TCF23: variants seen among roughly 807,000 people sequenced by gnomAD.
TCF23 encodes transcription factor 23.
In TCF23, 7 loss-of-function variants were observed where a neutral mutation model predicts 13.0. That is an observed-to-expected ratio of 0.54 (90% CI 0.31 to 1.01). The LOEUF (loss-of-function observed/expected upper bound fraction) is 1.01, where lower values mean the gene tolerates loss of function less well. Among genes scored for constraint, TCF23 ranks in the 50% least tolerant of loss-of-function variants. The probability of loss-of-function intolerance (pLI) is 0.06; values close to 1 mark genes in which losing one functional copy is unlikely to be tolerated. For missense variants in TCF23, 257 were observed against 289.8 expected, an observed-to-expected ratio of 0.89 and a Z score of 0.82; for synonymous variants, 122 against 119.5, an observed-to-expected ratio of 1.02 and a Z score of -0.14.
Position 27,150,513 on chromosome 2 carries a change from G to A in TCF23, c.465+148G>A, listed in dbSNP as rs2148429448. 7.1e-7 allele frequency: 1 copy of A among 1,405,006 alleles called. No homozygotes were observed. Among genetic ancestry groups the A allele is most frequent in the Non-Finnish European group, 9.7e-7 (1 of 1,036,072 alleles). 87.0% of individuals were successfully genotyped at this position (1,405,006 alleles called of 1,614,324 possible). The stretch of plus-strand genomic sequence containing the variant: ...GCCAATTTCTCCTGCTGTCTCAGAG[G>A]GAGAGGAGCCAAGGCTGACCCTTGG... On this transcript the variant is annotated intron_variant, in intron 2 of 2. Coordinates refer to ENST00000296096, the MANE Select transcript of TCF23 (RefSeq NM_175769.3). This position sits in a 1 kb window ranked among gnomAD's most constrained non-coding sequence, Gnocchi z 4.1.
In TCF23 at chr2:27,152,819, T is replaced by C. The variant is rs771821194; in HGVS notation, c.597T>C (p.Asp199=). ...EVGSQVPGEA[D]ALLSTTPLSP... is the part of the protein sequence containing the mutation. The stretch of plus-strand genomic sequence containing the variant: ...GGTCCCAAGTCCCTGGAGAGGCAGA[T>C]GCTCTCCTTTCCACCACACCACTCT... The change falls in exon 3 of 3, where the codon GAT becomes GAC. Residue 199 remains aspartate, a synonymous_variant. Coordinates refer to ENST00000296096, the MANE Select transcript of TCF23 (RefSeq NM_175769.3). 6.2e-7 allele frequency: 1 copy of C among 1,614,122 alleles called. No individual in the cohort carries two copies.
chr2:27,150,353 G>T lies in TCF23; in HGVS notation c.453G>T (p.Leu151Phe), dbSNP rs1229815008. 3.1e-6 allele frequency: 5 copies of T among 1,612,994 alleles called. No homozygotes were observed. Among genetic ancestry groups the T allele is most frequent in the Non-Finnish European group, 4.2e-6 (5 of 1,179,680 alleles). Reference protein sequence around the residue: ...WPPFLRGLRYLHPLKKWPMRS... With the variant: ...WPPFLRGLRYFHPLKKWPMRS... ...CCTTCCTGCGTGGACTCCGCTACTT[G>T]CACCCTCTCAAGGTAAGTCACAAGC... Residue 151 changes from leucine (L) to phenylalanine (F), a missense_variant, in exon 2 of 3, where the codon TTG (leucine) becomes TTT (phenylalanine). Leu to Phe is a conservative substitution (Grantham distance 22, BLOSUM62 0). Transcript: ENST00000296096. The surrounding 1 kb of genome is among the most constrained non-coding windows in gnomAD (Gnocchi z 4.1).
chr2:27,156,503 G>A lies in TCF23; in HGVS notation c.*3636G>A, dbSNP rs34730887. On this transcript the variant is annotated 3_prime_UTR_variant, in exon 3 of 3. Coordinates refer to ENST00000296096, the MANE Select transcript of TCF23 (RefSeq NM_175769.3). ...CGCGATTCTCCTGCCTCAGCCTCCC[G>A]AGCAGCTGGGACTACAGGCACCCGC... 0.42 allele frequency: 63,035 copies of A among 150,366 alleles called. 14,714 individuals carry two copies. Among genetic ancestry groups the A allele is most frequent in the East Asian group, 0.58 (2,882 of 4,966 alleles). 9.3% of individuals were successfully genotyped at this position (150,366 alleles called of 1,614,324 possible).
rs939127128 is a variant in TCF23, at chr2:27,149,220, C to T, written c.87C>T (p.Gly29=). ...QTQAKARLLP[G]ADRKRSRLSR... ...AGGCCAAAGCACGGTTGCTGCCAGGCGCTGACAGGAAGAGGAGCCGCCTCA... is the reference window on the plus strand; with the variant it reads ...AGGCCAAAGCACGGTTGCTGCCAGGTGCTGACAGGAAGAGGAGCCGCCTCA... The change falls in exon 1 of 3, where the codon GGC becomes GGT. Residue 29 remains glycine (G), a synonymous_variant. Transcript: ENST00000296096. 6 of 1,559,632 alleles carry T rather than the reference C, an allele frequency of 3.8e-6. No homozygotes were observed. The highest frequency in any genetic ancestry group is 1.4e-5 in the African/African-American group (1 of 73,620).
At chr2:27,151,425 C>T (rs1672759416) in intron 2 of TCF23, among the ~76,000 whole-genome samples, 2 of 151,914 alleles carry the variant, frequency 1.3e-5, no homozygotes, top group South Asian at 4.2e-4. Context: ...ACCTCCACCT[C>T]CCGGTTCAAG....
At position 27,152,674 on chromosome 2, in the gene TCF23, T is replaced by A; in HGVS notation, c.466-14T>A. 1 of 1,609,174 alleles carries A rather than the reference T, an allele frequency of 6.2e-7. No homozygotes were observed. Among genetic ancestry groups the A allele is most frequent in the Non-Finnish European group, 8.5e-7 (1 of 1,176,646 alleles). On this transcript the variant is annotated splice_polypyrimidine_tract_variant and intron_variant, in intron 2 of 2. Transcript: ENST00000296096. ...AATAGCAGCATTTCTCACTTCCCAA[T>A]CTGTGTCTTGCAGAAGTGGCCGATG...
rs1672742041 is a variant in TCF23 at position 27,150,280 on chromosome 2, A to G, written c.380A>G (p.His127Arg). 6.2e-7 allele frequency: 1 copy of G among 1,613,536 alleles called. No individual in the cohort carries two copies. The highest frequency in any genetic ancestry group is 1.1e-5 in the South Asian group (1 of 91,058). ...VLVLAASYIA[H>R]LTRTLGHELP... ...GTGCTCGCCGCCAGCTACATAGCCC[A>G]CCTCACCCGCACACTCGGCCACGAG... Residue 127 changes from histidine to arginine, a missense_variant, in exon 2 of 3, where the codon CAC becomes CGC. By Grantham distance (29) the His-to-Arg change is conservative. Coordinates refer to ENST00000296096, the MANE Select transcript of TCF23 (RefSeq NM_175769.3). This position sits in a 1 kb window ranked among gnomAD's most constrained non-coding sequence, Gnocchi z 4.1.
chr2:27,152,606 G>C, intron 2 of TCF23, 82 bp from the exon 3 acceptor site: 1 of 1,523,796 alleles, frequency 6.6e-7, no homozygotes, highest in South Asian at 1.3e-5. Flanking sequence ...GCTGGAGAAG[G>C]CTGGGTTTTG....
In TCF23 at chr2:27,150,990, A is replaced by G. The variant is rs1410007819; in HGVS notation, c.465+625A>G. On this transcript the variant is annotated intron_variant, in intron 2 of 2. Coordinates refer to ENST00000296096, the MANE Select transcript of TCF23 (RefSeq NM_175769.3). This position sits in a 1 kb window ranked among gnomAD's most constrained non-coding sequence, Gnocchi z 4.1. ...CAAAATGGAAAGTCTAATGAACATT[A>G]ATCATCTTTGCAATAACAGCTAACA... 6.6e-6 allele frequency among the ~76,000 whole-genome samples: 1 copy of G among 152,252 alleles called. No individual in the cohort carries two copies. Among genetic ancestry groups the G allele is most frequent in the Admixed American group, 6.5e-5 (1 of 15,286 alleles).
chr2:27,149,577 C>T (rs1036755310), intron 1 of TCF23: 11 of 657,388 alleles, frequency 1.7e-5, no homozygotes, highest in Non-Finnish European at 3.1e-5. Context: ...TAACTCACTT[C>T]TCTTGAGGAA....
rs532108921 is a variant in TCF23, at chr2:27,151,967, G to T, written c.466-721G>T. Among the ~76,000 whole-genome samples the T allele has an allele frequency of 4.6e-5, 7 of 152,112 alleles. No individual in the cohort carries two copies. In the South Asian group the frequency reaches 6.2e-4, roughly 14 times the overall value. On this transcript the variant is annotated intron_variant, in intron 2 of 2. Transcript: ENST00000296096. The stretch of plus-strand genomic sequence containing the variant: ...TAGTTCTGAAATGTCTTAAAACTTG[G>T]TTTTTTTCTTCAATGCAAATGTAGC...
rs377184068 is a variant in TCF23 at position 27,150,164 on chromosome 2, G to A, written c.264G>A (p.Arg88=). The A allele has an allele frequency of 3.7e-6, 6 of 1,610,664 alleles. No homozygotes were observed. The African/African-American group carries it at 6.7e-5, about 18-fold the overall frequency. ...SPENAARERS[R]VRTLRQAFLA... Reference sequence around the variant, plus strand: ...AGAATGCCGCGCGGGAGCGGAGCCGGGTCAGGACGCTGCGCCAGGCCTTCT... The same window carrying A: ...AGAATGCCGCGCGGGAGCGGAGCCGAGTCAGGACGCTGCGCCAGGCCTTCT... Residue 88 remains arginine (R), a synonymous_variant, in exon 2 of 3, where the codon CGG becomes CGA. Transcript: ENST00000296096. The surrounding 1 kb of genome is among the most constrained non-coding windows in gnomAD (Gnocchi z 4.1).
chr2:27,152,161 C>T (rs991344292), intron 2 of TCF23, among the ~76,000 whole-genome samples: 1 of 152,176 alleles, frequency 6.6e-6, no homozygotes, highest in African/African-American at 2.4e-5. Flanking sequence ...AATGAGGGCC[C>T]GGTTAGGTCC....
chr2:27,149,345 C>T lies in TCF23; in HGVS notation c.212C>T (p.Ala71Val). 1 of 1,578,916 alleles carries T rather than the reference C, an allele frequency of 6.3e-7. No individual in the cohort carries two copies. The highest frequency in any genetic ancestry group is 8.6e-7 in the Non-Finnish European group (1 of 1,162,272). Residue 71 changes from alanine to valine, a missense_variant, in exon 1 of 3, where the codon GCT (alanine) becomes GTT (valine). Transcript: ENST00000296096. ...GPRGTRAGGL[A>V]LGRSEASPEN... is the part of the protein sequence containing the mutation. ...CGAGGGACCAGGGCTGGGGGCCTGG[C>T]TCTTGGCAGGGTAAGGAAATCCTGC...
rs1672800698 is a variant in TCF23, at chr2:27,153,910, G to C, written c.*1043G>C. The C allele has an allele frequency of 6.6e-6, 1 of 152,160 alleles. No homozygotes were observed. The highest frequency in any genetic ancestry group is 2.4e-5 in the African/African-American group (1 of 41,418). The allele number at this position is 152,160 out of a possible 1,614,324, so 9.4% of individuals were successfully genotyped here. ...TTAAGAGAAGATCAGGTATATAGGG[G>C]GTGATCATTACAGTCTTCTCTTTCC... On this transcript the variant is annotated 3_prime_UTR_variant, in exon 3 of 3. Coordinates refer to ENST00000296096, the MANE Select transcript of TCF23 (RefSeq NM_175769.3).
chr2:27,150,426 G>T lies in TCF23; in HGVS notation c.465+61G>T. On this transcript the variant is annotated intron_variant, in intron 2 of 2. Coordinates refer to ENST00000296096, the MANE Select transcript of TCF23 (RefSeq NM_175769.3). This position sits in a 1 kb window ranked among gnomAD's most constrained non-coding sequence, Gnocchi z 4.1. ...TTAATGCCCAGGGCCTTGGAGAAAG[G>T]GATTGGAATGAGGGGGGACATTGGA... is the stretch of plus-strand genomic sequence containing the variant. The T allele has an allele frequency of 6.3e-7, 1 of 1,585,242 alleles. No individual in the cohort carries two copies. The highest frequency in any genetic ancestry group is 1.3e-5 in the African/African-American group (1 of 74,560).
intron 2 of TCF23, among the ~76,000 whole-genome samples, chr2:27,152,234 G>A (rs1217918254): frequency 6.6e-6 from 1 of 152,254 alleles, no homozygotes; most frequent in Non-Finnish European, 1.5e-5. Flanking sequence ...CAGCTCCCAG[G>A]TGGAGAGGTT....
chr2:27,149,770 T>C, intron 1 of TCF23: 1 of 618,576 alleles, frequency 1.6e-6, no homozygotes, highest in Non-Finnish European at 3.1e-6. Context: ...AGGGTGTAGC[T>C]CTGAACTCCC....
In TCF23 at chr2:27,149,324, G is replaced by A; in HGVS notation, c.191G>A (p.Gly64Glu). The A allele has an allele frequency of 6.3e-7, 1 of 1,590,526 alleles. No individual in the cohort carries two copies. The highest frequency in any genetic ancestry group is 8.6e-7 in the Non-Finnish European group (1 of 1,168,610). ...AGCAGAGCTACCCCTGGCCCTCGAG[G>A]GACCAGGGCTGGGGGCCTGGCTCTT... is the stretch of plus-strand genomic sequence containing the variant. ...RWSRATPGPR[G>E]TRAGGLALGR... The change falls in exon 1 of 3, where the codon GGG becomes GAG. Residue 64 changes from glycine to glutamate, a missense_variant. Physicochemically the swap from Gly to Glu is moderately conservative, Grantham distance 98. Transcript: ENST00000296096.
Sources: allele counts gnomAD v4.1 joint callset (sites outside exome capture counted in the v4.1 genomes callset), GRCh38; gene constraint gnomAD v4.1.1; non-coding constraint Gnocchi (gnomAD v3.1); transcripts MANE v1.5; gene names NCBI Gene and HGNC (gene_info 2026-07-23, HGNC 2026-07-21).